Variants in SNCAIP observed in about 807,000 individuals in gnomAD.
SNCAIP encodes the protein synphilin-1.
Under a neutral mutation model 86.7 loss-of-function variants are expected in SNCAIP, and 43 were observed. The observed-to-expected ratio is 0.50, with a 90% CI of 0.39 to 0.64. SNCAIP has a LOEUF of 0.64. Ranked by LOEUF, SNCAIP falls within the 30% of genes least tolerant of loss-of-function variation. The pLI, the probability that SNCAIP is intolerant of heterozygous loss-of-function variation, is 0.00. For missense variants in SNCAIP, 981 were observed against 1,103.1 expected (o/e 0.89, Z 1.57); for synonymous variants, 417 against 427.2 (o/e 0.98, Z 0.29).
At chr5:122,396,020 A>G (rs1157933760) in intron 2 of SNCAIP, among the ~76,000 whole-genome samples, 1 of 151,684 alleles carries the variant, frequency 6.6e-6, no homozygotes, top group Non-Finnish European at 1.5e-5. Flanking sequence ...CCCTGTTCTT[A>G]TCTATATGGA....
intron 1 of SNCAIP, chr5:122,383,395 C>T (rs906281652): frequency 2.0e-4 from 30 of 153,344 alleles, no homozygotes; most frequent in Non-Finnish European, 3.3e-4. Context: ...CACCCTGCTT[C>T]GGCTTGCGCA....
Position 122,425,428 on chromosome 5 carries a change from A to T in SNCAIP, c.1079A>T (p.Gln360Leu), listed in dbSNP as rs569549214. The T allele has an allele frequency of 1.2e-6, 2 of 1,613,750 alleles. No individual in the cohort carries two copies. Among genetic ancestry groups the T allele is most frequent in the East Asian group, 4.5e-5 (2 of 44,862 alleles). Residue 360 changes from glutamine to leucine, a missense_variant, in exon 5 of 11, where the codon CAG (glutamine) becomes CTG (leucine). Physicochemically the swap from Gln to Leu is moderately radical, Grantham distance 113. Transcript: ENST00000261368. ...GNNLLHIAAS[Q>L]GHAECLQHLT... The stretch of plus-strand genomic sequence containing the variant: ...AATCTATTACATATTGCGGCGTCAC[A>T]GGGACACGCAGAGTGTCTACAGCAC...
At chr5:122,431,333 T>C (rs1778373372) in intron 5 of SNCAIP, among the ~76,000 whole-genome samples, 1 of 152,156 alleles carries the variant, frequency 6.6e-6, no homozygotes, top group Non-Finnish European at 1.5e-5. Flanking sequence ...ATCCCCTAAG[T>C]GGAAACAATC....
chr5:122,434,617 A>T (rs543392976), intron 6 of SNCAIP, among the ~76,000 whole-genome samples: 2 of 152,280 alleles, frequency 1.3e-5, no homozygotes, highest in East Asian at 3.9e-4. Flanking sequence ...ATGACCTAAA[A>T]TACAGCTCTG....
chr5:122,348,265 T>C (rs1759027119), intron 1 of SNCAIP, among the ~76,000 whole-genome samples: 1 of 152,138 alleles, frequency 6.6e-6, no homozygotes, highest in African/African-American at 2.4e-5. Context: ...TATTAAGATA[T>C]CTTAACTCAT....
chr5:122,417,428 A>G (rs1775536065), intron 3 of SNCAIP, among the ~76,000 whole-genome samples: 1 of 152,190 alleles, frequency 6.6e-6, no homozygotes, highest in South Asian at 2.1e-4. Context: ...TAACCCGTTC[A>G]TTTTACAGAT....
At chr5:122,315,124 T>C (rs1329185193) in intron 1 of SNCAIP, among the ~76,000 whole-genome samples, 1 of 152,260 alleles carries the variant, frequency 6.6e-6, no homozygotes, top group Non-Finnish European at 1.5e-5. Context: ...ATTGCCACTA[T>C]AGCTTATGAT....
intron 1 of SNCAIP, among the ~76,000 whole-genome samples, chr5:122,314,864 T>C (rs1751382939): frequency 6.6e-6 from 1 of 152,248 alleles, no homozygotes; most frequent in Non-Finnish European, 1.5e-5. Flanking sequence ...GTGCATTTAC[T>C]TTGTGCTTAT....
intron 1 of SNCAIP, among the ~76,000 whole-genome samples, chr5:122,372,282 T>C (rs1404312019): frequency 1.3e-5 from 2 of 152,218 alleles, no homozygotes; most frequent in Non-Finnish European, 2.9e-5. Context: ...GAAAAAGCTA[T>C]GATTTGCAAC....
intron 7 of SNCAIP, chr5:122,443,661 C>T: frequency 2.2e-6 from 1 of 456,850 alleles, no homozygotes; most frequent in Non-Finnish European, 4.4e-6. Flanking sequence ...CTCTTCTGGG[C>T]TGCAGTGTCA....
At chr5:122,328,299 T>A (rs1754541346) in intron 1 of SNCAIP, among the ~76,000 whole-genome samples, 1 of 152,236 alleles carries the variant, frequency 6.6e-6, no homozygotes, top group African/African-American at 2.4e-5. Context: ...CTAGAGATCC[T>A]CTTTGTCTTC....
intron 3 of SNCAIP, among the ~76,000 whole-genome samples, chr5:122,418,503 A>T (rs1386501754): frequency 6.6e-6 from 1 of 152,212 alleles, no homozygotes; most frequent in Admixed American, 6.5e-5. Flanking sequence ...AATAAATTCA[A>T]GTTCATCATT....
rs542412321 is a variant in SNCAIP, at chr5:122,444,582, C to G, written c.1442C>G (p.Ala481Gly). The change falls in exon 8 of 11, where the codon GCA (alanine) becomes GGA (glycine). Residue 481 changes from alanine (A) to glycine (G), a missense_variant. Physicochemically the swap from Ala to Gly is moderately conservative, Grantham distance 60. Coordinates refer to ENST00000261368, the MANE Select transcript of SNCAIP (RefSeq NM_005460.4). ...TGACAGACCTTGGTTGAATATGGAG[C>G]AAATGTCACCATGCAGAACCACGCT... is the stretch of plus-strand genomic sequence containing the variant. The part of the protein sequence containing the change: ...GCIQTLVEYG[A>G]NVTMQNHAGE... The G allele has an allele frequency of 1.2e-6, 2 of 1,614,134 alleles. No individual in the cohort carries two copies. The highest frequency in any genetic ancestry group is 1.1e-5 in the South Asian group (1 of 91,078).
chr5:122,360,051 C>A (rs1228905100), intron 1 of SNCAIP, among the ~76,000 whole-genome samples: 2 of 152,160 alleles, frequency 1.3e-5, no homozygotes, highest in Non-Finnish European at 2.9e-5. Flanking sequence ...ATTATCAGCA[C>A]TTGTGGTAGG....
chr5:122,413,972 C>T (rs981830374), intron 3 of SNCAIP, among the ~76,000 whole-genome samples: 2 of 152,122 alleles, frequency 1.3e-5, no homozygotes, highest in African/African-American at 4.8e-5. Flanking sequence ...TGAATTGGTA[C>T]AATCATAGCT....
intron 8 of SNCAIP, among the ~76,000 whole-genome samples, chr5:122,449,102 G>A (rs925460822): frequency 5.9e-5 from 9 of 152,050 alleles, no homozygotes; most frequent in African/African-American, 2.2e-4. Context: ...AATATCATAA[G>A]GTAAAAATGC....
At chr5:122,463,419 G>C (rs1208136331) in intron 10 of SNCAIP, 72 bp from the exon 11 acceptor site, 2 of 877,874 alleles carry the variant, frequency 2.3e-6, no homozygotes, top group African/African-American at 1.6e-5. Context: ...TTGGTGAGCT[G>C]TTTAGTGGTA....
chr5:122,367,885 TACAA>T (rs1264177337), intron 1 of SNCAIP, among the ~76,000 whole-genome samples: 2 of 152,086 alleles, frequency 1.3e-5, no homozygotes, highest in African/African-American at 4.8e-5. Context: ...TATATATACA[TACAA>T]ACACACATAT....
chr5:122,457,403 G>GACA (rs148191215), intron 10 of SNCAIP, among the ~76,000 whole-genome samples: 2,438 of 152,284 alleles, frequency 0.016, 64 homozygotes, highest in African/African-American at 0.055. Context: ...AAAGTTGAAA[G>GACA]ACAACAGCCA....
Sources: gnomAD v4.1 joint callset for allele counts (sites outside exome capture counted in the v4.1 genomes callset) on GRCh38, gnomAD v4.1.1 for gene constraint, MANE v1.5 for transcripts, NCBI Gene and HGNC (gene_info 2026-07-23, HGNC 2026-07-21) for gene names.